SLITRK5: variants seen among roughly 807,000 people sequenced by gnomAD.
SLITRK5 encodes SLIT and NTRK-like protein 5.
SLITRK5 carries 23 observed loss-of-function variants against 56.2 expected under a neutral mutation model. That is an observed-to-expected ratio of 0.41 (90% CI 0.29 to 0.58). SLITRK5 has a LOEUF of 0.58. SLITRK5 is among the 20% of genes least tolerant of loss of function. The pLI, the probability that SLITRK5 is intolerant of heterozygous loss-of-function variation, is 0.30. For synonymous variants in SLITRK5, 637 were observed against 531.8 expected (o/e 1.20, Z -2.72); for missense variants, 1,289 against 1,226.6 (o/e 1.05, Z -0.76).
chr13:87,677,099 A>G lies in SLITRK5; in HGVS notation c.1711A>G (p.Ile571Val). Residue 571 changes from isoleucine to valine, a missense_variant, in exon 2 of 2, where the codon ATT (isoleucine) becomes GTT (valine). Transcript: ENST00000683689. This position sits in a 1 kb window ranked among gnomAD's most constrained non-coding sequence, Gnocchi z 4.7. The stretch of plus-strand genomic sequence containing the variant: ...CAATCCTTGGGATTGTACCTGTGAC[A>G]TTGTGGGCATGAAGCTGTGGGTGGA... Reference protein sequence around the residue: ...HDNPWDCTCDIVGMKLWVEQL... With the variant: ...HDNPWDCTCDVVGMKLWVEQL... 1 of 1,614,140 alleles carries G rather than the reference A, an allele frequency of 6.2e-7. No individual in the cohort carries two copies. Among genetic ancestry groups the G allele is most frequent in the Non-Finnish European group, 8.5e-7 (1 of 1,180,022 alleles).
rs1203623613 is a variant in SLITRK5, at chr13:87,672,089, G to T, written c.-129G>T. Among the ~76,000 whole-genome samples the T allele has an allele frequency of 6.6e-6, 1 of 152,148 alleles. No individual in the cohort carries two copies. The highest frequency in any genetic ancestry group is 1.5e-5 in the Non-Finnish European group (1 of 68,028). The stretch of plus-strand genomic sequence containing the variant: ...AAGACGGCGAGGAGGAGAGCCGAGG[G>T]GGGAGGGGAGGGCCGGCCGGCGCGA... On this transcript the variant is annotated 5_prime_UTR_variant, in exon 1 of 2. Transcript: ENST00000683689.
intron 1 of SLITRK5, chr13:87,672,868 T>TG (rs1394259970): frequency 8.1e-6 from 1 of 123,088 alleles, no homozygotes; most frequent in African/African-American, 2.8e-5. Flanking sequence ...TGTGTGTGTG[T>TG]GTGTGTGTGT....
chr13:87,676,869 G>A lies in SLITRK5; in HGVS notation c.1481G>A (p.Arg494His), dbSNP rs139493330. Residue 494 changes from arginine (R) to histidine (H), a missense_variant, in exon 2 of 2, where the codon CGC (arginine) becomes CAC (histidine). Around this residue, in one of 3 missense-constraint regions of SLITRK5, gnomAD observed 985 missense variants for 906.0 expected, o/e 1.09. Coordinates refer to ENST00000683689, the MANE Select transcript of SLITRK5 (RefSeq NM_001384609.1). ...QYLFLQYNLIREIQSGTFDPV... is the reference protein window; with the variant it reads ...QYLFLQYNLIHEIQSGTFDPV... ...CTCTTCCTCCAGTACAATCTCATCCGCGAGATTCAGTCTGGAACTTTTGAC... is the reference window on the plus strand; with the variant it reads ...CTCTTCCTCCAGTACAATCTCATCCACGAGATTCAGTCTGGAACTTTTGAC... 1 of 1,613,928 alleles carries A rather than the reference G, an allele frequency of 6.2e-7. No individual in the cohort carries two copies. Among genetic ancestry groups the A allele is most frequent in the African/African-American group, 1.3e-5 (1 of 74,880 alleles).
chr13:87,677,280 C>T lies in SLITRK5; in HGVS notation c.1892C>T (p.Pro631Leu). Reference protein sequence around the residue: ...STPTPSSIQVPARTSAVTPAV... With the variant: ...STPTPSSIQVLARTSAVTPAV... ...CCCACACCCTCCTCTATCCAGGTCC[C>T]TGCGAGGACCAGCGCCGTGACTCCT... Residue 631 changes from proline (P) to leucine (L), a missense_variant, in exon 2 of 2, where the codon CCT (proline) becomes CTT (leucine). This residue lies in a region of SLITRK5 where 985 missense variants were observed against 906.0 expected (regional missense o/e 1.09). Transcript: ENST00000683689. This position sits in a 1 kb window ranked among gnomAD's most constrained non-coding sequence, Gnocchi z 4.7. The T allele has an allele frequency of 1.9e-6, 3 of 1,614,200 alleles. No homozygotes were observed. Among genetic ancestry groups the T allele is most frequent in the Non-Finnish European group, 1.7e-6 (2 of 1,180,026 alleles).
chr13:87,674,265 C>A (rs1439059830), intron 1 of SLITRK5: 3 of 418,546 alleles, frequency 7.2e-6, no homozygotes, highest in Non-Finnish European at 9.6e-6. Context: ...CCCAGGCGTC[C>A]TTTCCCTGAG....
chr13:87,675,766 T>C lies in SLITRK5; in HGVS notation c.378T>C (p.His126=), dbSNP rs778420642. Residue 126 remains histidine (H), a synonymous_variant, in exon 2 of 2, where the codon CAT becomes CAC. Coordinates refer to ENST00000683689, the MANE Select transcript of SLITRK5 (RefSeq NM_001384609.1). ...VIQDIETGAF[H]GLRGLRRLHL... ...AGGACATTGAGACCGGGGCTTTCCA[T>C]GGGCTACGGGGTTTGAGGAGATTGC... 6.8e-6 allele frequency: 11 copies of C among 1,614,046 alleles called. No homozygotes were observed. The highest frequency in any genetic ancestry group is 5.5e-5 in the South Asian group (5 of 91,086).
chr13:87,673,064 A>G (rs1311781184), intron 1 of SLITRK5, among the ~76,000 whole-genome samples: 2 of 151,296 alleles, frequency 1.3e-5, no homozygotes, highest in Non-Finnish European at 2.9e-5. Flanking sequence ...CTGTGCCCGG[A>G]GCCTCCGGTG....
At position 87,678,209 on chromosome 13, in the gene SLITRK5, G is replaced by A. The variant is rs79848816; in HGVS notation, c.2821G>A (p.Val941Ile). 6.3e-5 allele frequency: 102 copies of A among 1,614,168 alleles called. No homozygotes were observed. The Admixed American group carries it at 1.6e-3, about 25-fold the overall frequency. Residue 941 changes from valine to isoleucine, a missense_variant, in exon 2 of 2, where the codon GTT becomes ATT. Physicochemically the swap from Val to Ile is conservative, Grantham distance 29. Coordinates refer to ENST00000683689, the MANE Select transcript of SLITRK5 (RefSeq NM_001384609.1). ...EYLELKAKLNVEPDYLEVLEK... is the reference protein window; with the variant it reads ...EYLELKAKLNIEPDYLEVLEK... Reference sequence around the variant, plus strand: ...TCTGGAGTTAAAAGCAAAACTAAACGTTGAGCCGGACTACCTCGAAGTGCT... The same window carrying A: ...TCTGGAGTTAAAAGCAAAACTAAACATTGAGCCGGACTACCTCGAAGTGCT...
chr13:87,675,333 A>C, intron 1 of SLITRK5, 48 bp from the exon 2 acceptor site: 1 of 1,397,796 alleles, frequency 7.2e-7, no homozygotes, highest in South Asian at 1.3e-5. Flanking sequence ...TGATCCCTTA[A>C]ATTTTTGTCA....
chr13:87,676,687 G>T lies in SLITRK5; in HGVS notation c.1299G>T (p.Thr433=), dbSNP rs142133878. The T allele has an allele frequency of 4.3e-6, 7 of 1,613,894 alleles. No individual in the cohort carries two copies. The highest frequency in any genetic ancestry group is 1.6e-4 in the Middle Eastern group (1 of 6,084). ...GCAGGACAGACTTCCTGGAGGCCAC[G>T]GGGCTGGACCTCCTGCACCTGGGGA... ...VVRRTDFLEA[T]GLDLLHLGNN... The change falls in exon 2 of 2, where the codon ACG becomes ACT. Residue 433 remains threonine, a synonymous_variant. Coordinates refer to ENST00000683689, the MANE Select transcript of SLITRK5 (RefSeq NM_001384609.1).
chr13:87,676,888 T>A lies in SLITRK5; in HGVS notation c.1500T>A (p.Thr500=). 2 of 1,614,158 alleles carry A rather than the reference T, an allele frequency of 1.2e-6. No individual in the cohort carries two copies. Among genetic ancestry groups the A allele is most frequent in the Non-Finnish European group, 1.7e-6 (2 of 1,180,020 alleles). The change falls in exon 2 of 2, where the codon ACT becomes ACA. Residue 500 remains threonine, a synonymous_variant. Transcript: ENST00000683689. ...YNLIREIQSG[T]FDPVPNLQLL... is the part of the protein sequence containing the mutation. Reference sequence around the variant, plus strand: ...TCATCCGCGAGATTCAGTCTGGAACTTTTGACCCGGTCCCAAACCTCCAGC... The same window carrying A: ...TCATCCGCGAGATTCAGTCTGGAACATTTGACCCGGTCCCAAACCTCCAGC...
chr13:87,677,432 G>T lies in SLITRK5; in HGVS notation c.2044G>T (p.Ala682Ser), dbSNP rs1877329665. 2 of 1,613,140 alleles carry T rather than the reference G, an allele frequency of 1.2e-6. No homozygotes were observed. The highest frequency in any genetic ancestry group is 1.1e-5 in the South Asian group (1 of 91,086). The change falls in exon 2 of 2, where the codon GCC becomes TCC. Residue 682 changes from alanine (A) to serine (S), a missense_variant. Physicochemically the swap from Ala to Ser is moderately conservative, Grantham distance 99 (BLOSUM62 1). Transcript: ENST00000683689. The surrounding 1 kb of genome is among the most constrained non-coding windows in gnomAD (Gnocchi z 4.7). ...TTTCATCATGTCCGTCTTCGTGGCC[G>T]CCGGGCTCTTCGTGCTGGTCATGAA... ...LVFIMSVFVA[A>S]GLFVLVMKRR...
chr13:87,675,233 T>A (rs747216432), intron 1 of SLITRK5, 148 bp from the exon 2 acceptor site: 4 of 612,836 alleles, frequency 6.5e-6, no homozygotes, highest in Non-Finnish European at 1.2e-5. Flanking sequence ...CTAGAGAATG[T>A]CAATGTTTCA....
rs375888366 is a variant in SLITRK5 at position 87,675,536 on chromosome 13, A to G, written c.148A>G (p.Asn50Asp). The change falls in exon 2 of 2, where the codon AAT (asparagine) becomes GAT (aspartate). Residue 50 changes from asparagine (N) to aspartate (D), a missense_variant. Asn to Asp is a conservative substitution (Grantham distance 23). Around this residue, in one of 3 missense-constraint regions of SLITRK5, gnomAD observed 291 missense variants for 286.7 expected, o/e 1.02. Transcript: ENST00000683689. The part of the protein sequence containing the change: ...TIDYYGEICD[N>D]ACPCEEKDGI... The stretch of plus-strand genomic sequence containing the variant: ...CGATTATTATGGGGAAATCTGTGAC[A>G]ATGCATGTCCTTGTGAGGAAAAGGA... 5.7e-5 allele frequency: 92 copies of G among 1,614,088 alleles called. No homozygotes were observed. Among genetic ancestry groups the G allele is most frequent in the Non-Finnish European group, 7.2e-5 (85 of 1,180,048 alleles).
chr13:87,677,140 C>A lies in SLITRK5; in HGVS notation c.1752C>A (p.Gly584=), dbSNP rs373098685. Residue 584 remains glycine (G), a synonymous_variant, in exon 2 of 2, where the codon GGC becomes GGA. Coordinates refer to ENST00000683689, the MANE Select transcript of SLITRK5 (RefSeq NM_001384609.1). The surrounding 1 kb of genome is among the most constrained non-coding windows in gnomAD (Gnocchi z 4.7). ...MKLWVEQLKV[G]VLVDEVICKA... Reference sequence around the variant, plus strand: ...TGTGGGTGGAGCAGCTCAAAGTGGGCGTCCTAGTGGACGAGGTGATCTGTA... The same window carrying A: ...TGTGGGTGGAGCAGCTCAAAGTGGGAGTCCTAGTGGACGAGGTGATCTGTA... The A allele has an allele frequency of 1.2e-6, 2 of 1,614,050 alleles. No individual in the cohort carries two copies. Among genetic ancestry groups the A allele is most frequent in the African/African-American group, 2.7e-5 (2 of 74,914 alleles).
In SLITRK5 at chr13:87,673,615, G is replaced by C; in HGVS notation, c.-9+1406G>C. On this transcript the variant is annotated intron_variant, in intron 1 of 1. Transcript: ENST00000683689. ...TCACTGGGGTGGGGATGTTTTTGCC[G>C]CTTTTAAGCCGGGAGACGTTTACCG... 3 of 866,810 alleles carry C rather than the reference G, an allele frequency of 3.5e-6. No individual in the cohort carries two copies. In the South Asian group the frequency reaches 4.1e-5, roughly 12 times the overall value. The allele number at this position is 866,810 out of a possible 1,614,324, so 53.7% of individuals were successfully genotyped here. A position where few individuals can be genotyped will look rare whatever the true frequency, so the allele number is the denominator to read the frequency against.
chr13:87,677,830 G>T lies in SLITRK5; in HGVS notation c.2442G>T (p.Gln814His), dbSNP rs75906868. ...QPQQQPPPQLQLQPGEEERRE... is the reference protein window; with the variant it reads ...QPQQQPPPQLHLQPGEEERRE... Reference sequence around the variant, plus strand: ...AGCAGCAGCCCCCGCCGCAGCTGCAGCTGCAGCCCGGGGAGGAGGAGAGGC... The same window carrying T: ...AGCAGCAGCCCCCGCCGCAGCTGCATCTGCAGCCCGGGGAGGAGGAGAGGC... Residue 814 changes from glutamine (Q) to histidine (H), a missense_variant, in exon 2 of 2, where the codon CAG becomes CAT. Transcript: ENST00000683689. This position sits in a 1 kb window ranked among gnomAD's most constrained non-coding sequence, Gnocchi z 4.7. The T allele has an allele frequency of 6.2e-7, 1 of 1,611,632 alleles. No individual in the cohort carries two copies. Among genetic ancestry groups the T allele is most frequent in the Non-Finnish European group, 8.5e-7 (1 of 1,178,814 alleles).
In SLITRK5 at chr13:87,676,660, G is replaced by A. The variant is rs1413061835; in HGVS notation, c.1272G>A (p.Val424=). 1 of 1,613,856 alleles carries A rather than the reference G, an allele frequency of 6.2e-7. No homozygotes were observed. Among genetic ancestry groups the A allele is most frequent in the African/African-American group, 1.3e-5 (1 of 74,900 alleles). ...MYLTENYIAV[V]RRTDFLEATG... ...TGACAGAGAACTACATCGCTGTCGT[G>A]CGCAGGACAGACTTCCTGGAGGCCA... Residue 424 remains valine, a synonymous_variant, in exon 2 of 2, where the codon GTG becomes GTA. Transcript: ENST00000683689.
intron 1 of SLITRK5, chr13:87,674,420 C>G (rs1294498189): frequency 1.0e-6 from 1 of 984,944 alleles, no homozygotes; most frequent in Non-Finnish European, 1.2e-6. Context: ...GGGAGGCTTT[C>G]GTGCTGATCC....
Sources: gnomAD v4.1 joint callset for allele counts (sites outside exome capture counted in the v4.1 genomes callset) on GRCh38, gnomAD v4.1.1 for gene constraint, gnomAD v4.1.1 regional missense constraint, Gnocchi (gnomAD v3.1) non-coding constraint, MANE v1.5 for transcripts, NCBI Gene and HGNC (gene_info 2026-07-23, HGNC 2026-07-21) for gene names.